Variants in TRIP12 observed in about 807,000 individuals in gnomAD.
TRIP12 encodes the protein thyroid hormone receptor interactor 12, also known as E3 ubiquitin-protein ligase TRIP12.
Under a neutral mutation model 244.2 loss-of-function variants are expected in TRIP12, and 25 were observed. That is an observed-to-expected ratio of 0.10 (90% CI 0.07 to 0.14). TRIP12 has a LOEUF of 0.14. Ranked by LOEUF, TRIP12 falls within the 10% of genes least tolerant of loss-of-function variation. The pLI is 1.00. For synonymous variants in TRIP12, 905 were observed against 873.1 expected (o/e 1.04, Z -0.64); for missense variants, 1,677 against 2,486.4 (o/e 0.67, Z 6.92).
chr2:229,875,834 G>A (rs2063484064), intron 2 of TRIP12, among the ~76,000 whole-genome samples: 1 of 152,160 alleles, frequency 6.6e-6, no homozygotes, highest in Admixed American at 6.5e-5. Flanking sequence ...ACTTAGGAAG[G>A]CTAAACGAGT....
chr2:229,906,570 A>G (rs1005658923), intron 1 of TRIP12, among the ~76,000 whole-genome samples: 6 of 151,404 alleles, frequency 4.0e-5, no homozygotes, highest in African/African-American at 1.5e-4. Context: ...AACTACAAAA[A>G]TTAGCTGGGC....
At chr2:229,821,412 G>C (rs890662137) in intron 8 of TRIP12, among the ~76,000 whole-genome samples, 5 of 152,204 alleles carry the variant, frequency 3.3e-5, no homozygotes, top group African/African-American at 1.2e-4. Context: ...GGGTTTGGCA[G>C]GAAAACGTTC....
intron 1 of TRIP12, among the ~76,000 whole-genome samples, chr2:229,891,413 A>T (rs899928223): frequency 6.6e-6 from 1 of 152,066 alleles, no homozygotes; most frequent in Non-Finnish European, 1.5e-5. Context: ...CGACAGAGCG[A>T]AACTGTCTCA....
chr2:229,887,535 G>A (rs1419024290), intron 1 of TRIP12, among the ~76,000 whole-genome samples: 1 of 152,178 alleles, frequency 6.6e-6, no homozygotes, highest in Admixed American at 6.5e-5. Context: ...AAGGGTAGAT[G>A]AGGATCTGTT....
chr2:229,885,193 G>A lies in TRIP12; in HGVS notation c.-49-5065C>T, dbSNP rs142299385. Among the ~76,000 whole-genome samples the A allele has an allele frequency of 4.7e-3, 719 of 152,224 alleles. 1 individual carries two copies. The highest frequency in any genetic ancestry group is 0.02 in the Middle Eastern group (6 of 294). ...AGGTATGTTACAAACATGTTGCTATGTTTGCAACAGGTAAATCTCATTTGT... is the reference window on the plus strand; with the variant it reads ...AGGTATGTTACAAACATGTTGCTATATTTGCAACAGGTAAATCTCATTTGT... On this transcript the variant is annotated intron_variant, in intron 1 of 41. Coordinates refer to ENST00000675903, the MANE Select transcript of TRIP12 (RefSeq NM_001348323.3).
chr2:229,796,550 C>A, intron 25 of TRIP12, 41 bp downstream of exon 25: 1 of 1,504,994 alleles, frequency 6.6e-7, no homozygotes, highest in Non-Finnish European at 8.9e-7. Flanking sequence ...TTAGTGAGCA[C>A]TGATTCTTAA....
intron 38 of TRIP12, chr2:229,773,562 T>C (rs1052616079): frequency 6.6e-6 from 1 of 152,514 alleles, no homozygotes; most frequent in Admixed American, 6.5e-5. Flanking sequence ...TTTGCATTTT[T>C]TTGTAGAGAC....
chr2:229,907,760 A>C (rs962591122), intron 1 of TRIP12, among the ~76,000 whole-genome samples: 7 of 145,570 alleles, frequency 4.8e-5, no homozygotes, highest in Admixed American at 2.1e-4. Context: ...ATATGATCAC[A>C]CAATTGCACT....
intron 6 of TRIP12, among the ~76,000 whole-genome samples, chr2:229,834,493 C>T (rs2054253672): frequency 6.6e-6 from 1 of 152,224 alleles, no homozygotes; most frequent in Non-Finnish European, 1.5e-5. Context: ...GGTGCAGAGG[C>T]TCACGCCTGT....
At chr2:229,809,148 A>G (rs1027919155) in intron 15 of TRIP12, among the ~76,000 whole-genome samples, 1 of 152,238 alleles carries the variant, frequency 6.6e-6, no homozygotes, top group African/African-American at 2.4e-5. Context: ...TTCTGTTATC[A>G]AGAAAAATAT....
chr2:229,895,133 C>T (rs1178371500), intron 1 of TRIP12, among the ~76,000 whole-genome samples: 2 of 151,828 alleles, frequency 1.3e-5, no homozygotes, highest in East Asian at 3.8e-4. Flanking sequence ...AAAGGACAAA[C>T]ATGAGAAAGA....
chr2:229,881,773 T>C (rs958499214), intron 1 of TRIP12, among the ~76,000 whole-genome samples: 3 of 152,234 alleles, frequency 2.0e-5, no homozygotes, highest in Non-Finnish European at 2.9e-5. Flanking sequence ...TTTGTGTGTA[T>C]GTATACCAAG....
chr2:229,867,601 A>T (rs1300272446), intron 2 of TRIP12, among the ~76,000 whole-genome samples: 1 of 152,188 alleles, frequency 6.6e-6, no homozygotes, highest in Non-Finnish European at 1.5e-5. Context: ...AAATGTGATA[A>T]AAAAGCTTGC....
At chr2:229,872,836 T>C (rs556763153) in intron 2 of TRIP12, among the ~76,000 whole-genome samples, 3 of 152,178 alleles carry the variant, frequency 2.0e-5, no homozygotes, top group Non-Finnish European at 2.9e-5. Context: ...TCATTTATCT[T>C]CTAATGGGTA....
At chr2:229,908,818 A>G (rs933196262) in intron 1 of TRIP12, among the ~76,000 whole-genome samples, 2 of 151,188 alleles carry the variant, frequency 1.3e-5, no homozygotes, top group African/African-American at 2.4e-5. Flanking sequence ...GCGGCCAGAC[A>G]TGATGGCTCA....
intron 33 of TRIP12, among the ~76,000 whole-genome samples, chr2:229,786,458 C>T (rs1174024156): frequency 2.1e-5 from 3 of 143,302 alleles, no homozygotes; most frequent in Non-Finnish European, 3.0e-5. Context: ...AATGCAGTGG[C>T]GCAATCTCAG....
At chr2:229,864,682 A>G (rs1379679682) in intron 2 of TRIP12, among the ~76,000 whole-genome samples, 1 of 152,114 alleles carries the variant, frequency 6.6e-6, no homozygotes, top group African/African-American at 2.4e-5. Flanking sequence ...CTGCTTATGA[A>G]CCAACACTAC....
chr2:229,880,456 T>C (rs528079008), intron 1 of TRIP12, among the ~76,000 whole-genome samples: 1 of 152,366 alleles, frequency 6.6e-6, no homozygotes, highest in African/African-American at 2.4e-5. Flanking sequence ...CATTCTAGTA[T>C]TGTGCCTAAA....
At chr2:229,897,812 G>A (rs1560206480) in intron 1 of TRIP12, among the ~76,000 whole-genome samples, 1 of 152,152 alleles carries the variant, frequency 6.6e-6, no homozygotes, top group Non-Finnish European at 1.5e-5. Context: ...AGACAACCAT[G>A]TTTGCCTCCT....
Sources: allele counts gnomAD v4.1 joint callset (sites outside exome capture counted in the v4.1 genomes callset), GRCh38; gene constraint gnomAD v4.1.1; transcripts MANE v1.5; gene names NCBI Gene and HGNC (gene_info 2026-07-23, HGNC 2026-07-21).